The following COL6A3 variants were observed in gnomAD, a reference collection of about 807,000 sequenced individuals.
COL6A3 encodes collagen type VI alpha 3 chain, also known as collagen alpha-3(VI) chain.
In COL6A3, 137 loss-of-function variants were observed where a neutral mutation model predicts 274.1. The ratio of observed to expected loss-of-function variants is 0.50; its 90% CI spans 0.44 to 0.58. The LOEUF (loss-of-function observed/expected upper bound fraction) is 0.58. Ranked by LOEUF, COL6A3 falls within the 20% of genes least tolerant of loss-of-function variation. The probability of loss-of-function intolerance (pLI) is 0.00; values close to 1 mark genes in which losing one functional copy is unlikely to be tolerated. For synonymous variants in COL6A3, 1,650 were observed against 1,650.6 expected, an observed-to-expected ratio of 1.00 and a Z score of 0.01; for missense variants, 3,950 against 4,124.9, an observed-to-expected ratio of 0.96 and a Z score of 1.16.
At position 237,380,979 on chromosome 2, in the gene COL6A3, G is replaced by A. The variant is rs368242683; in HGVS notation, c.1833C>T (p.Ala611=). The A allele has an allele frequency of 2.5e-6, 4 of 1,614,080 alleles. No homozygotes were observed. The African/African-American group carries it at 5.3e-5, about 22-fold the overall frequency. ...LVFIPAEFRA[A]PLQGMLPGLL... ...AGCCAGGCAGCATGCCTTGCAATGG[G>A]GCGGCTCGGAACTCAGCTGGGATGA... Residue 611 remains alanine, a synonymous_variant, in exon 5 of 44, where the codon GCC becomes GCT. Coordinates refer to ENST00000295550, the MANE Select transcript of COL6A3 (RefSeq NM_004369.4).
intron 27 of COL6A3, among the ~76,000 whole-genome samples, chr2:237,350,531 C>T (rs1026051581): frequency 6.6e-6 from 1 of 152,172 alleles, no homozygotes; most frequent in Non-Finnish European, 1.5e-5. Context: ...CAGGCAGAGA[C>T]CATCGTGGAT....
chr2:237,346,612 G>T, intron 31 of COL6A3, 47 bp from the exon 32 acceptor site: 1 of 1,543,274 alleles, frequency 6.5e-7, no homozygotes, highest in South Asian at 1.1e-5. Context: ...AGAAAGTGGA[G>T]AATTTAAGGC....
At chr2:237,373,410 C>G (rs766340490) in intron 8 of COL6A3, among the ~76,000 whole-genome samples, 1 of 152,146 alleles carries the variant, frequency 6.6e-6, no homozygotes, top group Non-Finnish European at 1.5e-5. Flanking sequence ...CCCACTGTTG[C>G]CCAAATTTAC....
chr2:237,351,612 A>G (rs560050900), intron 26 of COL6A3, among the ~76,000 whole-genome samples: 4 of 152,346 alleles, frequency 2.6e-5, no homozygotes, highest in Admixed American at 2.0e-4. Context: ...GGATGAAATT[A>G]ACTCTTAAAA....
Position 237,364,347 on chromosome 2 carries a change from T to C in COL6A3, c.5917+3A>G, listed in dbSNP as rs2106347236. 6.2e-7 allele frequency: 1 copy of C among 1,612,664 alleles called. No individual in the cohort carries two copies. The highest frequency in any genetic ancestry group is 8.5e-7 in the Non-Finnish European group (1 of 1,178,832). ...CTCATATTTAGAAAGCCTTGGCACC[T>C]ACCTTCTTGGCGGAGGTTCTCAGAT... is the stretch of plus-strand genomic sequence containing the variant. On this transcript the variant is annotated splice_donor_region_variant and intron_variant, in intron 13 of 43. Transcript: ENST00000295550. The surrounding 1 kb of genome is among the most constrained non-coding windows in gnomAD (Gnocchi z 4.6).
At position 237,374,055 on chromosome 2, in the gene COL6A3, G is replaced by C. The variant is rs1256677254; in HGVS notation, c.3679+357C>G. ...AAGGCTGCTGACCAAACCTACCAGGGGTCGCAGGACTGATACGCAACAGGC... is the reference window on the plus strand; with the variant it reads ...AAGGCTGCTGACCAAACCTACCAGGCGTCGCAGGACTGATACGCAACAGGC... On this transcript the variant is annotated intron_variant, in intron 8 of 43. Transcript: ENST00000295550. This position sits in a 1 kb window ranked among gnomAD's most constrained non-coding sequence, Gnocchi z 4.8. Among the ~76,000 whole-genome samples, 1 of 152,304 alleles carries C rather than the reference G, an allele frequency of 6.6e-6. No individual in the cohort carries two copies. The highest frequency in any genetic ancestry group is 2.1e-4 in the South Asian group (1 of 4,828).
chr2:237,367,412 C>T (rs776741098), intron 10 of COL6A3, 126 bp from the exon 11 acceptor site: 6 of 1,172,822 alleles, frequency 5.1e-6, no homozygotes, highest in Non-Finnish European at 7.0e-6. Flanking sequence ...GTGAAACCTT[C>T]ACTCAAATCC....
chr2:237,402,367 T>C (rs913328216), intron 1 of COL6A3, among the ~76,000 whole-genome samples: 1 of 152,172 alleles, frequency 6.6e-6, no homozygotes, highest in Admixed American at 6.5e-5. Context: ...CAAGATAGTA[T>C]GTTTTATGTT....
chr2:237,346,761 GT>G (rs2077105794), intron 31 of COL6A3, among the ~76,000 whole-genome samples, 196 bp from the exon 32 acceptor site: 1 of 152,110 alleles, frequency 6.6e-6, no homozygotes, highest in Admixed American at 6.5e-5. Context: ...GCCAATGGGA[GT>G]CCCCCACCAA....
At position 237,395,917 on chromosome 2, in the gene COL6A3, AG is replaced by A. The variant is rs572456303; in HGVS notation, c.92-714del. 3.9e-5 allele frequency among the ~76,000 whole-genome samples: 6 copies of A among 152,304 alleles called. No homozygotes were observed. The South Asian group carries it at 1.2e-3, about 32-fold the overall frequency. On this transcript the variant is annotated intron_variant, in intron 2 of 43. Transcript: ENST00000295550. ...AGTTCTCCCTCAAGGGTGGGAGCTCAGGGTATCAGGCTGTCAGTGGCCCCAG... is the reference window on the plus strand; with the variant it reads ...AGTTCTCCCTCAAGGGTGGGAGCTCAGGTATCAGGCTGTCAGTGGCCCCAG...
At chr2:237,411,840 T>C (rs2078863777) in intron 1 of COL6A3, among the ~76,000 whole-genome samples, 1 of 152,120 alleles carries the variant, frequency 6.6e-6, no homozygotes, top group Non-Finnish European at 1.5e-5. Context: ...ACAACTATAG[T>C]GGGGTGGAAC....
chr2:237,392,350 G>T (rs1415793937), intron 3 of COL6A3, among the ~76,000 whole-genome samples: 1 of 152,146 alleles, frequency 6.6e-6, no homozygotes, highest in Non-Finnish European at 1.5e-5. Context: ...CTGACATCTG[G>T]TACTGCTTCT....
At chr2:237,353,736 G>C (rs1450294789) in intron 24 of COL6A3, among the ~76,000 whole-genome samples, 5 of 152,160 alleles carry the variant, frequency 3.3e-5, no homozygotes, top group African/African-American at 1.2e-4. Flanking sequence ...GCACGTTCTG[G>C]AAGAGGCGCC....
intron 38 of COL6A3, among the ~76,000 whole-genome samples, chr2:237,340,176 T>G (rs1284488303): frequency 6.6e-6 from 1 of 152,186 alleles, no homozygotes; most frequent in Non-Finnish European, 1.5e-5. Flanking sequence ...TGTAAACTGT[T>G]AAGGACACCA....
chr2:237,402,991 G>A (rs932743700), intron 1 of COL6A3, among the ~76,000 whole-genome samples: 2 of 152,212 alleles, frequency 1.3e-5, no homozygotes, highest in African/African-American at 4.8e-5. Context: ...TAGCAGAGGA[G>A]AGTCTGTCCG....
At chr2:237,363,136 T>C (rs1663155785) in intron 14 of COL6A3, 117 bp downstream of exon 14, 9 of 1,017,074 alleles carry the variant, frequency 8.8e-6, no homozygotes, top group Admixed American at 6.0e-5. Context: ...TTTAACTATC[T>C]ACCAAGGCCC....
Position 237,346,498 on chromosome 2 carries a change from C to T in COL6A3, c.7092+5G>A. ...TGGCCGGGTCAGAACTGGATAAATA[C>T]TTACAGCTGGTCCTGGGTAGCCAGG... On this transcript the variant is annotated splice_donor_5th_base_variant and intron_variant, in intron 32 of 43. Coordinates refer to ENST00000295550, the MANE Select transcript of COL6A3 (RefSeq NM_004369.4). 6.2e-7 allele frequency: 1 copy of T among 1,613,880 alleles called. No individual in the cohort carries two copies. Among genetic ancestry groups the T allele is most frequent in the Non-Finnish European group, 8.5e-7 (1 of 1,179,846 alleles).
intron 4 of COL6A3, among the ~76,000 whole-genome samples, chr2:237,382,017 C>T (rs1246558105): frequency 6.6e-6 from 1 of 152,200 alleles, no homozygotes; most frequent in Non-Finnish European, 1.5e-5. Flanking sequence ...GAAAGAATTA[C>T]TTAACATAAA....
intron 7 of COL6A3, among the ~76,000 whole-genome samples, chr2:237,375,692 G>A (rs998769380): frequency 2.6e-5 from 4 of 152,096 alleles, no homozygotes; most frequent in South Asian, 2.1e-4. Context: ...ACAGGCACCC[G>A]CCACCACACC....
Sources: allele counts gnomAD v4.1 joint callset (sites outside exome capture counted in the v4.1 genomes callset), GRCh38; gene constraint gnomAD v4.1.1; non-coding constraint Gnocchi (gnomAD v3.1); transcripts MANE v1.5; gene names NCBI Gene and HGNC (gene_info 2026-07-23, HGNC 2026-07-21).